The following RAPGEF4 variants were observed in gnomAD, a reference collection of about 807,000 sequenced individuals.
RAPGEF4 encodes Rap guanine nucleotide exchange factor 4.
Under a neutral mutation model 147.9 loss-of-function variants are expected in RAPGEF4, and 66 were observed. The observed-to-expected ratio is 0.45, with a 90% CI of 0.37 to 0.55. The LOEUF (loss-of-function observed/expected upper bound fraction) is 0.55, where lower values mean the gene tolerates loss of function less well. Ranked by LOEUF, RAPGEF4 falls within the 20% of genes least tolerant of loss-of-function variation. The pLI, the probability that RAPGEF4 is intolerant of heterozygous loss-of-function variation, is 0.00. For synonymous variants in RAPGEF4, 419 were observed against 442.7 expected (o/e 0.95, Z 0.67); for missense variants, 1,071 against 1,257.3 (o/e 0.85, Z 2.24).
chr2:172,810,398 G>A (rs1574912627), intron 3 of RAPGEF4, among the ~76,000 whole-genome samples: 3 of 152,378 alleles, frequency 2.0e-5, no homozygotes, highest in South Asian at 4.1e-4. Context: ...TCGTCATTGA[G>A]ACACTTGGCC....
intron 17 of RAPGEF4, 22 bp from the exon 18 acceptor site, chr2:173,014,442 T>A (rs373223359): frequency 2.4e-4 from 392 of 1,613,122 alleles, no homozygotes; most frequent in Admixed American, 5.0e-4. Context: ...ATGGCTCAAT[T>A]TCTTCCTTGA....
chr2:172,976,081 T>C (rs1420098566), intron 10 of RAPGEF4, among the ~76,000 whole-genome samples: 2 of 152,230 alleles, frequency 1.3e-5, no homozygotes, highest in African/African-American at 4.8e-5. Context: ...TTGCCCTTTA[T>C]TGCAGTTATA....
intron 6 of RAPGEF4, among the ~76,000 whole-genome samples, chr2:172,956,626 C>T (rs973129697): frequency 5.9e-5 from 9 of 152,006 alleles, no homozygotes; most frequent in South Asian, 2.1e-4. Flanking sequence ...CCCGCCACCA[C>T]GCCCGGCTAA....
At chr2:172,873,953 A>C (rs1019630027) in intron 4 of RAPGEF4, among the ~76,000 whole-genome samples, 5 of 152,226 alleles carry the variant, frequency 3.3e-5, no homozygotes, top group Non-Finnish European at 1.5e-5. Context: ...AAAAAAGCTC[A>C]TCACCACTGG....
At chr2:172,917,904 TA>T in intron 5 of RAPGEF4, 30 bp downstream of exon 5, 1 of 1,590,708 alleles carries the variant, frequency 6.3e-7, no homozygotes, top group African/African-American at 1.3e-5. Context: ...ATTTTGTATC[TA>T]AAAATTTGTC....
chr2:172,747,374 T>C (rs1389525258), intron 1 of RAPGEF4, among the ~76,000 whole-genome samples: 1 of 152,240 alleles, frequency 6.6e-6, no homozygotes, highest in East Asian at 1.9e-4. Context: ...AGATCTACTC[T>C]CTTAGCAAAT....
Position 172,983,523 on chromosome 2 carries a change from A to G in RAPGEF4, c.1032A>G (p.Leu344=). ...KPPGQRTVDD[L]EIIYEELLHI... Reference sequence around the variant, plus strand: ...CTGGCCAGAGGACTGTGGATGACCTAGAGATTATCTATGAGGAGCTTCTTC... The same window carrying G: ...CTGGCCAGAGGACTGTGGATGACCTGGAGATTATCTATGAGGAGCTTCTTC... The change falls in exon 11 of 31, where the codon CTA becomes CTG. Residue 344 remains leucine, a synonymous_variant. Transcript: ENST00000397081. The G allele has an allele frequency of 6.2e-7, 1 of 1,612,062 alleles. No homozygotes were observed. The highest frequency in any genetic ancestry group is 1.1e-5 in the South Asian group (1 of 91,008).
chr2:172,921,251 CATGCCCAGCTAGTTTTTTG>C (rs1013327654), intron 5 of RAPGEF4, among the ~76,000 whole-genome samples: 2 of 152,018 alleles, frequency 1.3e-5, no homozygotes, highest in African/African-American at 4.8e-5. Flanking sequence ...CATGCACCAC[CATGCCCAGCTAGTTTTTTG>C]TGGAGACAGG....
chr2:172,879,652 A>T lies in RAPGEF4; in HGVS notation c.445-38150A>T, dbSNP rs1696377563. Among the ~76,000 whole-genome samples, 9 of 152,094 alleles carry T rather than the reference A, an allele frequency of 5.9e-5. No homozygotes were observed. The South Asian group carries it at 1.9e-3, about 32-fold the overall frequency. ...CCCGTCTCTACAAAAAAACACAAAA[A>T]ATTAGCCAGGTATGGTGGTGTGCAC... On this transcript the variant is annotated intron_variant, in intron 4 of 30. Transcript: ENST00000397081.
At chr2:172,752,737 G>A (rs1032247480) in intron 1 of RAPGEF4, among the ~76,000 whole-genome samples, 1 of 152,224 alleles carries the variant, frequency 6.6e-6, no homozygotes, top group East Asian at 1.9e-4. Context: ...GAACCATAAT[G>A]AGGCAGCTTC....
intron 4 of RAPGEF4, among the ~76,000 whole-genome samples, chr2:172,880,859 AT>A (rs1279204168): frequency 6.6e-6 from 1 of 152,244 alleles, no homozygotes; most frequent in Non-Finnish European, 1.5e-5. Flanking sequence ...GGAATGGCAC[AT>A]AGATAAATTC....
chr2:172,929,810 T>G (rs904901783), intron 6 of RAPGEF4, among the ~76,000 whole-genome samples: 2 of 152,194 alleles, frequency 1.3e-5, no homozygotes, highest in Admixed American at 1.3e-4. Context: ...CAGGGTAGTG[T>G]GGCCTCAGGA....
At chr2:172,851,469 G>A (rs891319149) in intron 4 of RAPGEF4, among the ~76,000 whole-genome samples, 5 of 151,966 alleles carry the variant, frequency 3.3e-5, no homozygotes, top group African/African-American at 9.7e-5. Flanking sequence ...GTCAAGTATC[G>A]AGCGACTATA....
chr2:172,766,209 G>T (rs1277929740), intron 1 of RAPGEF4, among the ~76,000 whole-genome samples: 2 of 151,998 alleles, frequency 1.3e-5, no homozygotes, highest in African/African-American at 2.4e-5. Flanking sequence ...GGTAGACCAT[G>T]ATACAATAAA....
At chr2:172,928,189 TC>T (rs1225895504) in intron 6 of RAPGEF4, 1 of 455,680 alleles carries the variant, frequency 2.2e-6, no homozygotes, top group Admixed American at 2.4e-5. Flanking sequence ...CAACTTCAGC[TC>T]TCCAGTCTCT....
At position 173,001,339 on chromosome 2, in the gene RAPGEF4, G is replaced by A; in HGVS notation, c.1653G>A (p.Val551=). The A allele has an allele frequency of 6.2e-7, 1 of 1,613,956 alleles. No homozygotes were observed. The highest frequency in any genetic ancestry group is 8.5e-7 in the Non-Finnish European group (1 of 1,179,944). The stretch of plus-strand genomic sequence containing the variant: ...ATACCCAGCTTTGCCCGGCACTGGT[G>A]GCCCAATATCCTTTTATTGTGATTG... ...MPNTQLCPAL[V]AHYHAQPSQG... The change falls in exon 17 of 31, where the codon GTG becomes GTA. Residue 551 remains valine, a synonymous_variant. Coordinates refer to ENST00000397081, the MANE Select transcript of RAPGEF4 (RefSeq NM_007023.4).
At chr2:172,981,175 T>C (rs1334163035) in intron 10 of RAPGEF4, among the ~76,000 whole-genome samples, 2 of 152,200 alleles carry the variant, frequency 1.3e-5, no homozygotes, top group Admixed American at 1.3e-4. Context: ...ACTTGGTGAC[T>C]GCTTTCTCTT....
At chr2:173,041,146 A>C (rs1215556986) in intron 29 of RAPGEF4, among the ~76,000 whole-genome samples, 3 of 152,166 alleles carry the variant, frequency 2.0e-5, no homozygotes, top group Non-Finnish European at 2.9e-5. Context: ...GAATCCTTTT[A>C]TTTTTGTATC....
At chr2:173,016,153 A>G (rs1695490139) in intron 18 of RAPGEF4, among the ~76,000 whole-genome samples, 196 bp from the exon 19 acceptor site, 1 of 152,164 alleles carries the variant, frequency 6.6e-6, no homozygotes, top group Non-Finnish European at 1.5e-5. Context: ...ACTATTTCCA[A>G]AATTTTTTCT....
Sources: allele counts gnomAD v4.1 joint callset (sites outside exome capture counted in the v4.1 genomes callset), GRCh38; gene constraint gnomAD v4.1.1; transcripts MANE v1.5; gene names NCBI Gene and HGNC (gene_info 2026-07-23, HGNC 2026-07-21).